KMT2E: variants seen among roughly 807,000 people sequenced by gnomAD.
KMT2E encodes histone reader KMT2E.
A neutral mutation model predicts 184.6 loss-of-function variants in KMT2E; 30 were observed. That is an observed-to-expected ratio of 0.16 (90% confidence interval 0.12 to 0.22). The LOEUF (loss-of-function observed/expected upper bound fraction) is 0.22, where lower values mean the gene tolerates loss of function less well. KMT2E is among the 10% of genes least tolerant of loss of function. The pLI is 1.00. For missense variants in KMT2E, 2,023 were observed against 2,237.4 expected, an observed-to-expected ratio of 0.90 and a Z score of 1.93; for synonymous variants, 815 against 776.5, an observed-to-expected ratio of 1.05 and a Z score of -0.82.
intron 3 of KMT2E, among the ~76,000 whole-genome samples, chr7:105,047,094 A>G (rs1796139179): frequency 6.6e-6 from 1 of 152,254 alleles, no homozygotes; most frequent in South Asian, 2.1e-4. Context: ...CATAGGATGC[A>G]CTTAATTTCT....
At position 105,088,656 on chromosome 7, in the gene KMT2E, T is replaced by C. The variant is rs578020401; in HGVS notation, c.1359-1353T>C. On this transcript the variant is annotated intron_variant, in intron 13 of 26. Coordinates refer to ENST00000311117, the MANE Select transcript of KMT2E (RefSeq NM_182931.3). The stretch of plus-strand genomic sequence containing the variant: ...ATAAAGTGGTCAGAGTTGAGAAATA[T>C]TGAAATGAAAAGTACATGCGCCTGA... Among the ~76,000 whole-genome samples, 97 of 152,336 alleles carry C rather than the reference T, an allele frequency of 6.4e-4. 1 individual carries two copies. The Middle Eastern group carries it at 0.02, about 32-fold the overall frequency.
intron 15 of KMT2E, among the ~76,000 whole-genome samples, chr7:105,100,428 G>T (rs542676942): frequency 3.9e-5 from 6 of 152,278 alleles, no homozygotes; most frequent in South Asian, 4.1e-4. Flanking sequence ...TCACATCGAT[G>T]TGTAATAAAG....
At position 105,014,549 on chromosome 7, in the gene KMT2E, G is replaced by T. The variant is rs1041865720; in HGVS notation, c.-189+14G>T. 6.6e-6 allele frequency: 1 copy of T among 152,150 alleles called. No individual in the cohort carries two copies. Among genetic ancestry groups the T allele is most frequent in the Non-Finnish European group, 1.5e-5 (1 of 68,138 alleles). 9.4% of individuals were successfully genotyped at this position (152,150 alleles called of 1,614,324 possible). On this transcript the variant is annotated intron_variant, in intron 1 of 26. Coordinates refer to ENST00000311117, the MANE Select transcript of KMT2E (RefSeq NM_182931.3). Reference sequence around the variant, plus strand: ...TGAACATCACAGGTTAGTGCCTGTCGTCTCCATGGGAGTTCCTGGGGCTTG... The same window carrying T: ...TGAACATCACAGGTTAGTGCCTGTCTTCTCCATGGGAGTTCCTGGGGCTTG...
chr7:105,018,582 TTATC>T (rs911993733), intron 1 of KMT2E, among the ~76,000 whole-genome samples: 9 of 152,308 alleles, frequency 5.9e-5, no homozygotes, highest in South Asian at 2.1e-4. Context: ...TCATGATAGA[TTATC>T]TATGAGACTT....
At chr7:105,050,911 G>A (rs148572476) in intron 3 of KMT2E, among the ~76,000 whole-genome samples, 3 of 143,720 alleles carry the variant, frequency 2.1e-5, no homozygotes, top group African/African-American at 5.0e-5. Flanking sequence ...ATTTTTATTC[G>A]AGATGGGATT....
intron 17 of KMT2E, chr7:105,102,562 G>A (rs1371753858): frequency 1.3e-5 from 2 of 155,298 alleles, no homozygotes; most frequent in Non-Finnish European, 2.8e-5. Context: ...TAAATGTGAA[G>A]AAATTGATTT....
At chr7:105,071,580 G>GTATATATATA (rs1438005247) in intron 6 of KMT2E, among the ~76,000 whole-genome samples, 13 of 64,994 alleles carry the variant, frequency 2.0e-4, no homozygotes, top group African/African-American at 5.7e-4. Flanking sequence ...GTATGTGTGT[G>GTATATATATA]TGTATATATA....
At chr7:105,082,745 A>T (rs1399697477) in intron 13 of KMT2E, among the ~76,000 whole-genome samples, 1 of 152,174 alleles carries the variant, frequency 6.6e-6, no homozygotes, top group Non-Finnish European at 1.5e-5. Flanking sequence ...TTCTCTAAAA[A>T]TGTTTCTATA....
At chr7:105,103,389 A>G (rs1257347583) in intron 17 of KMT2E, 1 of 152,152 alleles carries the variant, frequency 6.6e-6, no homozygotes, top group Non-Finnish European at 1.5e-5. Context: ...TAAAGGCCTC[A>G]TTCAGTTTAA....
At chr7:105,111,599 A>AAATT (rs1327403174) in intron 26 of KMT2E, among the ~76,000 whole-genome samples, 1 of 152,150 alleles carries the variant, frequency 6.6e-6, no homozygotes, top group Non-Finnish European at 1.5e-5. Flanking sequence ...TCTTCAATAA[A>AAATT]AATTAACCCA....
At chr7:105,105,127 C>A in intron 17 of KMT2E, 2 of 198,824 alleles carry the variant, frequency 1.0e-5, no homozygotes, top group South Asian at 9.9e-5. Context: ...GAGACTGCAC[C>A]ACTGCACTCC....
chr7:105,102,424 C>G (rs973048273), intron 17 of KMT2E: 2 of 353,546 alleles, frequency 5.7e-6, no homozygotes, highest in Non-Finnish European at 1.0e-5. Flanking sequence ...TATGGTATTG[C>G]AATTCATGAT....
At chr7:105,086,743 T>C (rs117691378) in intron 13 of KMT2E, among the ~76,000 whole-genome samples, 6,322 of 141,892 alleles carry the variant, frequency 0.045, 209 homozygotes, top group Non-Finnish European at 0.065. Context: ...AAAAAATATA[T>C]AAATAAAATA....
At chr7:105,067,397 T>TC (rs2129567505) in intron 6 of KMT2E, among the ~76,000 whole-genome samples, 1 of 152,226 alleles carries the variant, frequency 6.6e-6, no homozygotes, top group African/African-American at 2.4e-5. Context: ...AATTTTTTTT[T>TC]CCACATTTCT....
chr7:105,015,995 A>G (rs1311362640), intron 1 of KMT2E, among the ~76,000 whole-genome samples: 1 of 152,176 alleles, frequency 6.6e-6, no homozygotes, highest in African/African-American at 2.4e-5. Flanking sequence ...TTGGGTACCA[A>G]TAATAGTTTT....
chr7:105,074,770 G>GA lies in KMT2E; in HGVS notation c.691dup (p.Ser231LysfsTer12). 1 of 1,604,140 alleles carries GA rather than the reference G, an allele frequency of 6.2e-7. No individual in the cohort carries two copies. Among genetic ancestry groups the GA allele is most frequent in the African/African-American group, 1.3e-5 (1 of 74,240 alleles). On this transcript the variant is annotated frameshift_variant, in exon 8 of 27. Transcript: ENST00000311117. LOFTEE classifies it high-confidence loss of function. ...TTTCCAAAGTTAATGATAAAAGAAG[G>GA]AAAAAAAGCGGGGAGAAAGAACAAC...
rs566318064 is a variant in KMT2E, at chr7:105,014,382, T to G, written c.-342T>G. 1 of 153,848 alleles carries G rather than the reference T, an allele frequency of 6.5e-6. No individual in the cohort carries two copies. The highest frequency in any genetic ancestry group is 6.5e-5 in the Admixed American group (1 of 15,312). The allele number at this position is 153,848 out of a possible 1,614,324, so 9.5% of individuals were successfully genotyped here. On this transcript the variant is annotated 5_prime_UTR_variant, in exon 1 of 27. Transcript: ENST00000311117. ...ACTCCTCGGTTCCTGGTGAAGAGGCTGCGCGCTGCTGTTTGGGGAGGGGGT... is the reference window on the plus strand; with the variant it reads ...ACTCCTCGGTTCCTGGTGAAGAGGCGGCGCGCTGCTGTTTGGGGAGGGGGT...
At chr7:105,061,292 T>G (rs1383883145) in intron 3 of KMT2E, among the ~76,000 whole-genome samples, 1 of 152,154 alleles carries the variant, frequency 6.6e-6, no homozygotes, top group African/African-American at 2.4e-5. Context: ...ATGTAAAGTT[T>G]TAATAGGAGG....
At chr7:105,086,030 A>G (rs138816087) in intron 13 of KMT2E, among the ~76,000 whole-genome samples, 12 of 152,290 alleles carry the variant, frequency 7.9e-5, no homozygotes, top group African/African-American at 2.9e-4. Flanking sequence ...AATATTATCT[A>G]GAATTTTGTA....
Sources: gnomAD v4.1 joint callset for allele counts (sites outside exome capture counted in the v4.1 genomes callset) on GRCh38, gnomAD v4.1.1 for gene constraint, MANE v1.5 for transcripts, NCBI Gene and HGNC (gene_info 2026-07-23, HGNC 2026-07-21) for gene names.